Variants in KCNQ1 observed in about 807,000 individuals in gnomAD.
KCNQ1 encodes potassium voltage-gated channel subfamily KQT member 1.
A neutral mutation model predicts 72.4 loss-of-function variants in KCNQ1; 49 were observed. That is an observed-to-expected ratio of 0.68 (90% CI 0.54 to 0.86). The LOEUF (loss-of-function observed/expected upper bound fraction) is 0.86, where lower values mean the gene tolerates loss of function less well. KCNQ1 is among the 40% of genes least tolerant of loss of function. The probability of loss-of-function intolerance (pLI) is 0.00; values close to 1 mark genes in which losing one functional copy is unlikely to be tolerated. For synonymous variants in KCNQ1, 450 were observed against 412.6 expected (o/e 1.09, Z -1.10); for missense variants, 790 against 945.1 (o/e 0.84, Z 2.15).
At chr11:2,846,397 G>A (rs767428102) in intron 15 of KCNQ1, among the ~76,000 whole-genome samples, 1 of 152,160 alleles carries the variant, frequency 6.6e-6, no homozygotes, top group Admixed American at 6.5e-5. Context: ...AGGTACCCAC[G>A]GTGGGGGAGG....
chr11:2,674,295 A>G lies in KCNQ1; in HGVS notation c.1514+12214A>G. 2 of 398,602 alleles carry G rather than the reference A, an allele frequency of 5.0e-6. No homozygotes were observed. The highest frequency in any genetic ancestry group is 8.8e-6 in the Non-Finnish European group (2 of 226,092). The allele number at this position is 398,602 out of a possible 1,614,324, so 24.7% of individuals were successfully genotyped here. Reference sequence around the variant, plus strand: ...ACACACACTAGGACCTTTCTTCATCATGCAGCCGTAGAGCTGGAGGCCAAG... The same window carrying G: ...ACACACACTAGGACCTTTCTTCATCGTGCAGCCGTAGAGCTGGAGGCCAAG... On this transcript the variant is annotated intron_variant, in intron 11 of 15. Coordinates refer to ENST00000155840, the MANE Select transcript of KCNQ1 (RefSeq NM_000218.3). This position sits in a 1 kb window ranked among gnomAD's most constrained non-coding sequence, Gnocchi z 5.9.
At chr11:2,585,094 C>T (rs1346103847) in intron 7 of KCNQ1, 118 bp from the exon 8 acceptor site, 14 of 890,780 alleles carry the variant, frequency 1.6e-5, no homozygotes, top group Middle Eastern at 3.1e-4. Flanking sequence ...CTTGGGGGGG[C>T]TTCCAGCACT....
intron 11 of KCNQ1, among the ~76,000 whole-genome samples, chr11:2,755,181 T>C (rs1846280169): frequency 8.9e-6 from 1 of 111,896 alleles, no homozygotes; most frequent in Non-Finnish European, 2.0e-5. Context: ...CTCTCTGACA[T>C]TTTTTTTCGT....
rs1376833426 is a variant in KCNQ1 at position 2,612,722 on chromosome 11, T to C, written c.1393+23868T>C. 2.5e-6 allele frequency: 1 copy of C among 398,504 alleles called. No individual in the cohort carries two copies. Among genetic ancestry groups the C allele is most frequent in the Non-Finnish European group, 4.4e-6 (1 of 226,072 alleles). 24.7% of individuals were successfully genotyped at this position (398,504 alleles called of 1,614,324 possible). The stretch of plus-strand genomic sequence containing the variant: ...CTTACTTTGAAATCGCGCCCTAACA[T>C]TTGGGGCCCTTCAGAGATAATTCCT... On this transcript the variant is annotated intron_variant, in intron 10 of 15. Transcript: ENST00000155840. The surrounding 1 kb of genome is among the most constrained non-coding windows in gnomAD (Gnocchi z 5.5).
chr11:2,578,063 G>C (rs1204146692), intron 6 of KCNQ1, among the ~76,000 whole-genome samples: 1 of 152,220 alleles, frequency 6.6e-6, no homozygotes, highest in Non-Finnish European at 1.5e-5. Context: ...GGCCCAGAAG[G>C]CTCTAGACAG....
rs1851081910 is a variant in KCNQ1, at chr11:2,715,741, C to T, written c.1515-53103C>T. ...GGGCACCCTCATATCACACCCTGTC[C>T]CTCTGGCCACATTCCAGCTGGCCCT... On this transcript the variant is annotated intron_variant, in intron 11 of 15. Coordinates refer to ENST00000155840, the MANE Select transcript of KCNQ1 (RefSeq NM_000218.3). The surrounding 1 kb of genome is among the most constrained non-coding windows in gnomAD (Gnocchi z 4.9). 6.6e-6 allele frequency among the ~76,000 whole-genome samples: 1 copy of T among 152,212 alleles called. No individual in the cohort carries two copies. Among genetic ancestry groups the T allele is most frequent in the East Asian group, 1.9e-4 (1 of 5,186 alleles).
Position 2,457,690 on chromosome 11 carries a change from G to A in KCNQ1, c.386+12206G>A, listed in dbSNP as rs1426241526. On this transcript the variant is annotated intron_variant, in intron 1 of 15. Coordinates refer to ENST00000155840, the MANE Select transcript of KCNQ1 (RefSeq NM_000218.3). The surrounding 1 kb of genome is among the most constrained non-coding windows in gnomAD (Gnocchi z 5.0). ...CCTGTGGGTGCTGTGCGCACTACGT[G>A]GGAGACCGGATCGTTTGTACTCCAA... Among the ~76,000 whole-genome samples the A allele has an allele frequency of 6.6e-6, 1 of 152,062 alleles. No homozygotes were observed. Among genetic ancestry groups the A allele is most frequent in the East Asian group, 1.9e-4 (1 of 5,182 alleles).
intron 1 of KCNQ1, among the ~76,000 whole-genome samples, chr11:2,452,966 A>G (rs749404499): frequency 3.3e-5 from 5 of 152,206 alleles, no homozygotes; most frequent in African/African-American, 7.2e-5. Flanking sequence ...TCAGAAAACC[A>G]CTTGGGTACC....
intron 10 of KCNQ1, among the ~76,000 whole-genome samples, chr11:2,589,115 G>C (rs527817366): frequency 6.6e-6 from 1 of 152,196 alleles, no homozygotes; most frequent in African/African-American, 2.4e-5. Context: ...GGCTCCATCC[G>C]GCTGTACTGA....
At chr11:2,490,728 G>A (rs912728384) in intron 1 of KCNQ1, among the ~76,000 whole-genome samples, 2 of 152,126 alleles carry the variant, frequency 1.3e-5, no homozygotes, top group African/African-American at 4.8e-5. Flanking sequence ...CACTCTTGTT[G>A]CCAAGGCTAG....
chr11:2,840,140 A>C (rs897556955), intron 15 of KCNQ1: 1 of 149,008 alleles, frequency 6.7e-6, no homozygotes, highest in African/African-American at 2.6e-5. Flanking sequence ...ATCAATTAAC[A>C]CATTTTGTAT....
chr11:2,564,084 A>G lies in KCNQ1; in HGVS notation c.478-6544A>G, dbSNP rs1848212688. Among the ~76,000 whole-genome samples, 3 of 152,360 alleles carry G rather than the reference A, an allele frequency of 2.0e-5. No homozygotes were observed. In the South Asian group the frequency reaches 6.2e-4, roughly 32 times the overall value. ...GGCCCCTCGAGGCACTCATTTCAGT[A>G]TCAGAGAACACACATAACGTAAAAT... On this transcript the variant is annotated intron_variant, in intron 2 of 15. Transcript: ENST00000155840. The surrounding 1 kb of genome is among the most constrained non-coding windows in gnomAD (Gnocchi z 4.5).
At chr11:2,646,332 A>G (rs1207543107) in intron 10 of KCNQ1, 1 of 398,588 alleles carries the variant, frequency 2.5e-6, no homozygotes, top group Non-Finnish European at 4.4e-6. Flanking sequence ...CTTTCAATCC[A>G]TGAGCATGGG....
rs1420881229 is a variant in KCNQ1 at position 2,541,149 on chromosome 11, C to T, written c.477+13131C>T. Among the ~76,000 whole-genome samples the T allele has an allele frequency of 1.3e-5, 2 of 152,244 alleles. No homozygotes were observed. Among genetic ancestry groups the T allele is most frequent in the Non-Finnish European group, 2.9e-5 (2 of 68,050 alleles). On this transcript the variant is annotated intron_variant, in intron 2 of 15. Coordinates refer to ENST00000155840, the MANE Select transcript of KCNQ1 (RefSeq NM_000218.3). This position sits in a 1 kb window ranked among gnomAD's most constrained non-coding sequence, Gnocchi z 4.8. ...CCTCAGGCAGGCAGGGAGAGAGACC[C>T]CCTTGGGGCCGCGTTCCATTTGCAC...
At chr11:2,461,389 G>A (rs1407631074) in intron 1 of KCNQ1, 8 of 1,252,606 alleles carry the variant, frequency 6.4e-6, no homozygotes, top group Non-Finnish European at 8.3e-6. Context: ...GAGTGTGGAG[G>A]AGATAAGCCT....
At chr11:2,776,677 C>T (rs1846708069) in intron 13 of KCNQ1, among the ~76,000 whole-genome samples, 1 of 152,188 alleles carries the variant, frequency 6.6e-6, no homozygotes, top group Non-Finnish European at 1.5e-5. Flanking sequence ...CCATCCTGGC[C>T]ACAGGCGAGG....
rs1223634154 is a variant in KCNQ1 at position 2,848,592 on chromosome 11, C to T, written c.*589C>T. The stretch of plus-strand genomic sequence containing the variant: ...ACTGTGGAGACTGCTCCTGAGCCCC[C>T]AGCTTCCAGCAGGAGGGACAGTCTC... On this transcript the variant is annotated 3_prime_UTR_variant, in exon 16 of 16. Coordinates refer to ENST00000155840, the MANE Select transcript of KCNQ1 (RefSeq NM_000218.3). The T allele has an allele frequency of 2.2e-6, 1 of 453,762 alleles. No homozygotes were observed. Among genetic ancestry groups the T allele is most frequent in the East Asian group, 6.9e-5 (1 of 14,402 alleles). 28.1% of individuals were successfully genotyped at this position (453,762 alleles called of 1,614,324 possible). A position where few individuals can be genotyped will look rare whatever the true frequency, so the allele number is the denominator to read the frequency against.
chr11:2,733,814 A>ACACACACTCTCTCT, intron 11 of KCNQ1, among the ~76,000 whole-genome samples: 8 of 86,648 alleles, frequency 9.2e-5, no homozygotes, highest in Admixed American at 2.5e-4. Context: ...ACACACACAC[A>ACACACACTCTCTCT]CTCTCTCACT....
Position 2,570,664 on chromosome 11 carries a change from G to A in KCNQ1, c.514G>A (p.Val172Met), listed in dbSNP as rs199472694. The change falls in exon 3 of 16, where the codon GTG becomes ATG. Residue 172 changes from valine (V) to methionine (M), a missense_variant. Around this residue, in one of 5 missense-constraint regions of KCNQ1, gnomAD observed 294 missense variants for 323.3 expected, o/e 0.91. Transcript: ENST00000155840. ...VLVVFFGTEY[V>M]VRLWSAGCRS... The stretch of plus-strand genomic sequence containing the variant: ...GGTGGTGTTCTTCGGGACGGAGTAC[G>A]TGGTCCGCCTCTGGTCCGCCGGCTG... 51 of 1,612,526 alleles carry A rather than the reference G, an allele frequency of 3.2e-5. No individual in the cohort carries two copies. The Middle Eastern group carries it at 2.0e-3, about 62-fold the overall frequency.
Sources: gnomAD v4.1 joint callset for allele counts (sites outside exome capture counted in the v4.1 genomes callset) on GRCh38, gnomAD v4.1.1 for gene constraint, gnomAD v4.1.1 regional missense constraint, Gnocchi (gnomAD v3.1) non-coding constraint, MANE v1.5 for transcripts, NCBI Gene and HGNC (gene_info 2026-07-23, HGNC 2026-07-21) for gene names.